The following SNURF variants were observed in gnomAD, a reference collection of about 807,000 sequenced individuals.
SNURF encodes the protein SNRPN upstream open reading frame, also known as SNURF protein.
SNURF carries 6 observed loss-of-function variants against 11.6 expected under a neutral mutation model. The observed-to-expected ratio is 0.52, with a 90% CI of 0.28 to 1.02. SNURF has a LOEUF of 1.02. SNURF is among the 50% of genes least tolerant of loss of function. The pLI is 0.09. For missense variants in SNURF, 84 were observed against 88.4 expected (o/e 0.95, Z 0.20); for synonymous variants, 29 against 31.6 (o/e 0.92, Z 0.27).
chr15:24,968,000 G>A, exon 3 of SNURF: 9 of 1,614,098 alleles, frequency 5.6e-6, no homozygotes, highest in Non-Finnish European at 7.6e-6. Context: ...GCTGAACTGA[G>A]GCAGGCATTC....
At chr15:24,959,853 A>G (rs910979611) in intron 1 of SNURF, among the ~76,000 whole-genome samples, 1 of 152,240 alleles carries the variant, frequency 6.6e-6, no homozygotes, top group Non-Finnish European at 1.5e-5. Flanking sequence ...TACGTTTAAT[A>G]CAAAGAATTA....
chr15:24,962,265 A>T, intron 2 of SNURF, 56 bp downstream of exon 2: 2 of 1,402,260 alleles, frequency 1.4e-6, no homozygotes, highest in Non-Finnish European at 2.0e-6. Context: ...TTCAGATTAG[A>T]ACAAAATATC....
At chr15:24,978,403 C>T (rs536351078), downstream of SNURF, 1 of 1,613,978 alleles carries the variant, frequency 6.2e-7, no homozygotes, top group African/African-American at 1.3e-5. Context: ...TATTTCCTTT[C>T]CAGGTCCACC....
intron 2 of SNURF, among the ~76,000 whole-genome samples, chr15:24,964,540 C>A (rs553684053): frequency 1.3e-5 from 2 of 152,120 alleles, no homozygotes; most frequent in South Asian, 2.1e-4. Context: ...ATGATCCGCC[C>A]GCCTTGGTTT....
At chr15:24,961,533 C>T (rs575490152) in intron 1 of SNURF, among the ~76,000 whole-genome samples, 13 of 152,180 alleles carry the variant, frequency 8.5e-5, no homozygotes, top group South Asian at 4.1e-4. Flanking sequence ...GTTCTGCAGA[C>T]GTAACATGGC....
chr15:24,975,724 G>A (rs930534751), intron 4 of SNURF, among the ~76,000 whole-genome samples: 1 of 152,140 alleles, frequency 6.6e-6, no homozygotes, highest in Non-Finnish European at 1.5e-5. Context: ...ATTTATTACT[G>A]GGAGTAAAAG....
At chr15:24,972,995 C>T (rs957547826), downstream of SNURF, among the ~76,000 whole-genome samples, 19 of 152,266 alleles carry the variant, frequency 1.2e-4, no homozygotes, top group Admixed American at 5.9e-4. Context: ...TCAAGCGATT[C>T]TCCTGCCTCA....
chr15:24,976,799 A>G, intron 5 of SNURF: 1 of 1,304,956 alleles, frequency 7.7e-7, no homozygotes, highest in Non-Finnish European at 1.1e-6. Context: ...AATGGTGGAG[A>G]GAAGTGATCT....
At chr15:24,967,973 C>G in exon 3 of SNURF, 1 of 1,614,030 alleles carries the variant, frequency 6.2e-7, no homozygotes, top group Non-Finnish European at 8.5e-7. Flanking sequence ...CAGCAAGTAC[C>G]TGTGGTGGAT....
intron 1 of SNURF, 30 bp downstream of exon 1, chr15:24,955,092 G>A: frequency 6.2e-7 from 1 of 1,613,616 alleles, no homozygotes; most frequent in Non-Finnish European, 8.5e-7. Context: ...TCTCTCAAGA[G>A]ACAGCCTGGG....
At chr15:24,965,778 C>T (rs138100454) in intron 2 of SNURF, among the ~76,000 whole-genome samples, 1 of 152,084 alleles carries the variant, frequency 6.6e-6, no homozygotes, top group African/African-American at 2.4e-5. Context: ...GCCTCATTTT[C>T]TCAGTCTTTA....
intron 1 of SNURF, among the ~76,000 whole-genome samples, chr15:24,957,107 C>G (rs1318177139): frequency 6.6e-6 from 1 of 152,108 alleles, no homozygotes; most frequent in East Asian, 1.9e-4. Context: ...TCCCTGTAGT[C>G]TTTGATTTCC....
intron 1 of SNURF, among the ~76,000 whole-genome samples, chr15:24,960,635 A>G (rs1000460176): frequency 3.3e-5 from 5 of 152,118 alleles, no homozygotes; most frequent in Non-Finnish European, 7.4e-5. Flanking sequence ...TTTAGTGACT[A>G]ATGTTCAGCA....
chr15:24,977,523 C>A (rs114827683), intron 6 of SNURF, among the ~76,000 whole-genome samples: 12 of 151,950 alleles, frequency 7.9e-5, no homozygotes, highest in African/African-American at 2.9e-4. Context: ...GCCTGTAATC[C>A]CAGCTACCAG....
At chr15:24,962,010 A>C (rs1046393538) in intron 1 of SNURF, 104 bp from the exon 2 acceptor site, 27 of 1,010,440 alleles carry the variant, frequency 2.7e-5, no homozygotes, top group African/African-American at 1.9e-4. Context: ...AATTAGATTT[A>C]AAAATCCATT....
chr15:24,958,453 C>T (rs2074183390), intron 1 of SNURF, among the ~76,000 whole-genome samples: 2 of 140,186 alleles, frequency 1.4e-5, no homozygotes, highest in East Asian at 4.1e-4. Flanking sequence ...TTAAGGTAGC[C>T]TCTCTCCATT....
downstream of SNURF, chr15:24,968,673 T>A (rs1322534782): frequency 1.3e-5 from 2 of 152,444 alleles, no homozygotes; most frequent in Non-Finnish European, 2.9e-5. Flanking sequence ...ACACAGCACA[T>A]AATTAACAAT....
chr15:24,962,088 A>G (rs987504055), intron 1 of SNURF, 26 bp from the exon 2 acceptor site: 2 of 1,593,166 alleles, frequency 1.3e-6, no homozygotes, highest in Admixed American at 3.3e-5. Flanking sequence ...AGTCTACCAA[A>G]CAAATGCCTC....
intron 3 of SNURF, chr15:24,974,899 GT>G (rs2076889504): frequency 4.3e-6 from 3 of 702,646 alleles, no homozygotes; most frequent in Non-Finnish European, 7.8e-6. Context: ...AAATACAGGA[GT>G]TTTTGGTCAT....
Sources: gnomAD v4.1 joint callset for allele counts (sites outside exome capture counted in the v4.1 genomes callset) on GRCh38, gnomAD v4.1.1 for gene constraint, MANE v1.5 for transcripts, NCBI Gene and HGNC (gene_info 2026-07-23, HGNC 2026-07-21) for gene names.